The following RUFY1 variants were observed in gnomAD, a reference collection of about 807,000 sequenced individuals.
The protein encoded by RUFY1 is RUN and FYVE domain containing 1.
A neutral mutation model predicts 94.6 loss-of-function variants in RUFY1; 54 were observed. The observed-to-expected ratio is 0.57, with a 90% CI of 0.46 to 0.72. The LOEUF (loss-of-function observed/expected upper bound fraction) is 0.72, where lower values mean the gene tolerates loss of function less well. RUFY1 is among the 30% of genes least tolerant of loss of function. RUFY1 has a pLI of 0.00. For synonymous variants in RUFY1, 396 were observed against 347.3 expected (o/e 1.14, Z -1.56); for missense variants, 883 against 883.9 (o/e 1.00, Z 0.01).
At position 179,593,673 on chromosome 5, in the gene RUFY1, C is replaced by T. The variant is rs774554080; in HGVS notation, c.1413+28C>T. The T allele has an allele frequency of 9.3e-6, 15 of 1,606,194 alleles. No homozygotes were observed. In the South Asian group the frequency reaches 1.6e-4, roughly 17 times the overall value. On this transcript the variant is annotated intron_variant, in intron 11 of 17. Coordinates refer to ENST00000319449, the MANE Select transcript of RUFY1 (RefSeq NM_025158.5). ...GGGAGTTGGCTTTGTGTCCATGGCA[C>T]AGCCTGGTTTCTGCTGCTCGCCAGT...
chr5:179,596,765 G>A, intron 13 of RUFY1, 84 bp downstream of exon 13: 1 of 558,552 alleles, frequency 1.8e-6, no homozygotes, highest in Non-Finnish European at 2.4e-6. Context: ...TCCTGCTTCA[G>A]CACGAACGGG....
chr5:179,605,871 C>A lies in RUFY1; in HGVS notation c.1857-5C>A. 1.3e-6 allele frequency: 2 copies of A among 1,592,372 alleles called. No individual in the cohort carries two copies. Among genetic ancestry groups the A allele is most frequent in the Non-Finnish European group, 1.7e-6 (2 of 1,170,284 alleles). On this transcript the variant is annotated splice_region_variant and splice_polypyrimidine_tract_variant and intron_variant, in intron 15 of 17. Transcript: ENST00000319449. ...GCTATGAAATGGCCTTTTTTTTTTCCTTAGGTCCAAGCTGAAGATGGAAGA... is the reference window on the plus strand; with the variant it reads ...GCTATGAAATGGCCTTTTTTTTTTCATTAGGTCCAAGCTGAAGATGGAAGA...
rs560268868 is a variant in RUFY1 at position 179,587,242 on chromosome 5, C to T, written c.1026+1377C>T. Among the ~76,000 whole-genome samples, 12 of 152,058 alleles carry T rather than the reference C, an allele frequency of 7.9e-5. No individual in the cohort carries two copies. The East Asian group carries it at 1.2e-3, about 15-fold the overall frequency. On this transcript the variant is annotated intron_variant, in intron 8 of 17. Transcript: ENST00000319449. ...CTAATTTTTTAACTCTTTGTAGAGA[C>T]GGGATCTCACTTTGTTGTTCAGGCT...
chr5:179,602,178 G>T (rs1290016172), intron 15 of RUFY1, 192 bp downstream of exon 15: 22 of 576,082 alleles, frequency 3.8e-5, no homozygotes, highest in Admixed American at 6.0e-5. Context: ...CTACCCACAT[G>T]GGGTGTCAGC....
intron 13 of RUFY1, 94 bp from the exon 14 acceptor site, chr5:179,598,598 G>C: frequency 6.9e-7 from 1 of 1,452,226 alleles, no homozygotes; most frequent in Non-Finnish European, 9.6e-7. Context: ...AGGCAATTCA[G>C]AGACTTCCCT....
At chr5:179,589,498 A>G (rs758867535) in intron 8 of RUFY1, 48 bp from the exon 9 acceptor site, 21 of 1,168,298 alleles carry the variant, frequency 1.8e-5, no homozygotes, top group African/African-American at 6.1e-5. Context: ...AATTTGAACA[A>G]TAAGATTAAT....
chr5:179,601,455 C>T (rs1766378919), intron 14 of RUFY1, among the ~76,000 whole-genome samples: 1 of 152,080 alleles, frequency 6.6e-6, no homozygotes, highest in African/African-American at 2.4e-5. Context: ...AGGCATAAGC[C>T]ACTGTGCCTG....
At chr5:179,575,868 A>T (rs1763576581) in intron 5 of RUFY1, among the ~76,000 whole-genome samples, 3 of 151,788 alleles carry the variant, frequency 2.0e-5, no homozygotes, top group Admixed American at 6.6e-5. Flanking sequence ...TGCAGCCTTA[A>T]CCTCCTGGGC....
At position 179,577,107 on chromosome 5, in the gene RUFY1, G is replaced by A. The variant is rs1012237206; in HGVS notation, c.861G>A (p.Lys287=). 1 of 1,573,852 alleles carries A rather than the reference G, an allele frequency of 6.4e-7. No homozygotes were observed. The highest frequency in any genetic ancestry group is 8.7e-7 in the Non-Finnish European group (1 of 1,154,584). Residue 287 remains lysine (K), a synonymous_variant, in exon 6 of 18, where the codon AAG becomes AAA. Coordinates refer to ENST00000319449, the MANE Select transcript of RUFY1 (RefSeq NM_025158.5). ...VGVIDFSLYL[K]DVQDLDGGKE... ...TAATAGATTTTTCCCTCTACCTTAA[G>A]GATGTGCAGGATCTTGATGGTGGCA...
At chr5:179,575,659 CAGAG>C (rs1382607664) in intron 5 of RUFY1, among the ~76,000 whole-genome samples, 29 of 152,124 alleles carry the variant, frequency 1.9e-4, no homozygotes, top group Non-Finnish European at 4.0e-4. Context: ...GTAGGTGTGT[CAGAG>C]AGGTTGCAGA....
intron 3 of RUFY1, among the ~76,000 whole-genome samples, chr5:179,566,969 G>A (rs976063691): frequency 2.6e-5 from 4 of 152,076 alleles, no homozygotes; most frequent in African/African-American, 4.8e-5. Context: ...CATGAGAATC[G>A]CTTGAACCCA....
At chr5:179,565,363 G>A (rs1762766272) in intron 3 of RUFY1, among the ~76,000 whole-genome samples, 1 of 151,672 alleles carries the variant, frequency 6.6e-6, no homozygotes, top group East Asian at 1.9e-4. Flanking sequence ...ATTTTTAGTT[G>A]AGATGGGAGT....
At chr5:179,584,136 T>A (rs1415997506) in intron 7 of RUFY1, among the ~76,000 whole-genome samples, 3 of 152,352 alleles carry the variant, frequency 2.0e-5, no homozygotes, top group East Asian at 3.9e-4. Context: ...CTTAAAACTT[T>A]CCATTCCCTC....
At chr5:179,596,273 A>G (rs78750408) in intron 12 of RUFY1, 39,981 of 452,902 alleles carry the variant, frequency 0.088, 2,015 homozygotes, top group Middle Eastern at 0.1. Context: ...AGAAAAAGTC[A>G]GTCTCAAGGT....
chr5:179,591,545 G>A (rs1765105457), intron 9 of RUFY1, 80 bp from the exon 10 acceptor site: 2 of 859,340 alleles, frequency 2.3e-6, no homozygotes, highest in Admixed American at 4.9e-5. Flanking sequence ...TTTTAAAATT[G>A]TGGTATATTT....
Position 179,596,696 on chromosome 5 carries a change from G to A in RUFY1, c.1631+15G>A. On this transcript the variant is annotated intron_variant, in intron 13 of 17. Coordinates refer to ENST00000319449, the MANE Select transcript of RUFY1 (RefSeq NM_025158.5). Reference sequence around the variant, plus strand: ...CACGAGCAATGGTAGGGGCCCTGCAGGGAGCCTGGGCTGGGGTGTGGCTCA... The same window carrying A: ...CACGAGCAATGGTAGGGGCCCTGCAAGGAGCCTGGGCTGGGGTGTGGCTCA... 1 of 1,573,304 alleles carries A rather than the reference G, an allele frequency of 6.4e-7. No homozygotes were observed. Among genetic ancestry groups the A allele is most frequent in the South Asian group, 1.2e-5 (1 of 85,048 alleles).
At chr5:179,605,384 G>C (rs901738883) in intron 15 of RUFY1, among the ~76,000 whole-genome samples, 1 of 151,918 alleles carries the variant, frequency 6.6e-6, no homozygotes, top group Non-Finnish European at 1.5e-5. Context: ...CCTGTCTCTT[G>C]TGTAAACAAA....
chr5:179,585,088 G>A (rs1024845240), intron 7 of RUFY1, among the ~76,000 whole-genome samples: 13 of 151,172 alleles, frequency 8.6e-5, no homozygotes, highest in South Asian at 2.1e-4. Flanking sequence ...TTGAGCTCGC[G>A]CCACTGCACT....
chr5:179,553,468 C>CTA (rs981453510), intron 1 of RUFY1, among the ~76,000 whole-genome samples: 5 of 152,136 alleles, frequency 3.3e-5, no homozygotes, highest in Non-Finnish European at 4.4e-5. Flanking sequence ...TGCAAAATGT[C>CTA]TATATATATA....
Sources: gnomAD v4.1 joint callset for allele counts (sites outside exome capture counted in the v4.1 genomes callset) on GRCh38, gnomAD v4.1.1 for gene constraint, MANE v1.5 for transcripts, NCBI Gene and HGNC (gene_info 2026-07-23, HGNC 2026-07-21) for gene names.